Variants in CPE observed in about 807,000 individuals in gnomAD.
The protein encoded by CPE is carboxypeptidase E, also known as carbocypeptidase E.
A neutral mutation model predicts 53.5 loss-of-function variants in CPE; 17 were observed. That is an observed-to-expected ratio of 0.32 (90% confidence interval 0.22 to 0.48). The LOEUF is 0.48. CPE is among the 20% of genes least tolerant of loss of function. The pLI is 0.99. For synonymous variants in CPE, 226 were observed against 228.8 expected, an observed-to-expected ratio of 0.99 and a Z score of 0.11; for missense variants, 524 against 614.7, an observed-to-expected ratio of 0.85 and a Z score of 1.56.
chr4:165,446,929 G>T (rs1010142185), intron 1 of CPE, among the ~76,000 whole-genome samples: 1 of 152,186 alleles, frequency 6.6e-6, no homozygotes, highest in African/African-American at 2.4e-5. Flanking sequence ...AGATGATTTT[G>T]TCATTGAATG....
chr4:165,383,170 G>T (rs189216971), intron 1 of CPE, among the ~76,000 whole-genome samples: 3 of 152,312 alleles, frequency 2.0e-5, no homozygotes, highest in East Asian at 3.9e-4. Context: ...CTGGGATGAA[G>T]AATGGGCTTA....
At chr4:165,453,858 G>A (rs565981281) in intron 1 of CPE, among the ~76,000 whole-genome samples, 1 of 152,206 alleles carries the variant, frequency 6.6e-6, no homozygotes, top group African/African-American at 2.4e-5. Context: ...GTGAGCAAAG[G>A]AAAAGAAGGT....
At chr4:165,415,406 G>A (rs11732618) in intron 1 of CPE, among the ~76,000 whole-genome samples, 45,191 of 151,978 alleles carry the variant, frequency 0.3, 6,907 homozygotes, top group Middle Eastern at 0.4. Flanking sequence ...AATGAAACCA[G>A]CTCCTCCTGC....
chr4:165,405,861 G>T (rs1042031688), intron 1 of CPE: 10 of 741,416 alleles, frequency 1.3e-5, no homozygotes, highest in Non-Finnish European at 2.3e-5. Flanking sequence ...CAGGAGCACC[G>T]AATACTGTTT....
chr4:165,380,779 A>G (rs1201615119), intron 1 of CPE, among the ~76,000 whole-genome samples: 2 of 152,246 alleles, frequency 1.3e-5, no homozygotes, highest in Non-Finnish European at 2.9e-5. Flanking sequence ...TTCAAATAAT[A>G]TAAGAAAAAA....
At chr4:165,403,411 C>T (rs1011151628) in intron 1 of CPE, among the ~76,000 whole-genome samples, 1 of 152,084 alleles carries the variant, frequency 6.6e-6, no homozygotes, top group Non-Finnish European at 1.5e-5. Context: ...TTAATGTCTG[C>T]ACACTGATGG....
At chr4:165,486,523 G>C (rs931285875) in intron 5 of CPE, among the ~76,000 whole-genome samples, 1 of 152,016 alleles carries the variant, frequency 6.6e-6, no homozygotes, top group South Asian at 2.1e-4. Flanking sequence ...ACACAAACCT[G>C]CCTCCCCATT....
chr4:165,425,878 C>T (rs540318487), intron 1 of CPE, among the ~76,000 whole-genome samples: 2 of 152,276 alleles, frequency 1.3e-5, no homozygotes, highest in South Asian at 2.1e-4. Flanking sequence ...TCCTACAGTG[C>T]ACCAGGCAGC....
At chr4:165,429,529 C>T (rs66793975) in intron 1 of CPE, among the ~76,000 whole-genome samples, 44,762 of 151,586 alleles carry the variant, frequency 0.3, 6,673 homozygotes, top group Middle Eastern at 0.39. Context: ...ATGGTGAAAC[C>T]CTGTCTCTAC....
chr4:165,422,805 G>A (rs1039771474), intron 1 of CPE, among the ~76,000 whole-genome samples: 3 of 151,952 alleles, frequency 2.0e-5, no homozygotes, highest in Non-Finnish European at 4.4e-5. Context: ...GTGAAACCCC[G>A]TCTCTATTAA....
At chr4:165,486,540 C>T (rs1431345584) in intron 5 of CPE, among the ~76,000 whole-genome samples, 5 of 151,986 alleles carry the variant, frequency 3.3e-5, no homozygotes, top group Non-Finnish European at 5.9e-5. Context: ...CATTTTGGTT[C>T]CTAAATAAGA....
chr4:165,454,224 C>G (rs1731861944), intron 1 of CPE, among the ~76,000 whole-genome samples: 1 of 152,176 alleles, frequency 6.6e-6, no homozygotes, highest in Non-Finnish European at 1.5e-5. Flanking sequence ...TGGATTTCTC[C>G]ATAGGCTCAG....
At chr4:165,474,255 A>T (rs1014587678) in intron 3 of CPE, among the ~76,000 whole-genome samples, 1 of 152,208 alleles carries the variant, frequency 6.6e-6, no homozygotes, top group African/African-American at 2.4e-5. Flanking sequence ...GGTTTCCTGC[A>T]TAAGGGCAAT....
chr4:165,484,202 A>C (rs1244632326), intron 4 of CPE, among the ~76,000 whole-genome samples: 1 of 152,186 alleles, frequency 6.6e-6, no homozygotes, highest in Admixed American at 6.5e-5. Context: ...TAGAATGTAC[A>C]TTCTACCCAA....
chr4:165,442,296 A>C (rs1009296546), intron 1 of CPE, among the ~76,000 whole-genome samples: 1 of 152,120 alleles, frequency 6.6e-6, no homozygotes, highest in Non-Finnish European at 1.5e-5. Flanking sequence ...CTCCTGCCTC[A>C]GCCTCTCAAA....
In CPE at chr4:165,493,321, T is replaced by C. The variant is rs150411071; in HGVS notation, c.1213+51T>C. On this transcript the variant is annotated intron_variant, in intron 7 of 8. Transcript: ENST00000402744. ...TCTACGTTATGTACAAGAGCATAAT[T>C]ACTAATTATCATAATTATAAGTCTT... is the stretch of plus-strand genomic sequence containing the variant. 438 of 1,219,512 alleles carry C rather than the reference T, an allele frequency of 3.6e-4. 1 individual carries two copies. The African/African-American group carries it at 4.8e-3, about 13-fold the overall frequency. The allele number at this position is 1,219,512 out of a possible 1,614,324, so 75.5% of individuals were successfully genotyped here.
Position 165,431,538 on chromosome 4 carries a change from A to G in CPE, c.308-32852A>G, listed in dbSNP as rs962110620. 2.0e-5 allele frequency among the ~76,000 whole-genome samples: 3 copies of G among 152,204 alleles called. No homozygotes were observed. In the East Asian group the frequency reaches 5.8e-4, roughly 29 times the overall value. On this transcript the variant is annotated intron_variant, in intron 1 of 8. Transcript: ENST00000402744. ...CAGGTGTGAATAGCTCCCTTAAGTAAGGACACATAGTTAATAATAGGGGGA... is the reference window on the plus strand; with the variant it reads ...CAGGTGTGAATAGCTCCCTTAAGTAGGGACACATAGTTAATAATAGGGGGA...
chr4:165,442,023 G>GTTTTTTTTTTTTTT (rs11415472), intron 1 of CPE, among the ~76,000 whole-genome samples: 31 of 107,430 alleles, frequency 2.9e-4, no homozygotes, highest in Non-Finnish European at 3.4e-4. Context: ...CGGTGAGTTT[G>GTTTTTTTTTTTTTT]TTTTTTTTTT....
At chr4:165,486,953 G>A (rs926549040) in intron 5 of CPE, among the ~76,000 whole-genome samples, 4 of 152,108 alleles carry the variant, frequency 2.6e-5, no homozygotes, top group East Asian at 3.8e-4. Context: ...TTCCTTGATT[G>A]ACAATAGTAT....
Sources: allele counts gnomAD v4.1 joint callset (sites outside exome capture counted in the v4.1 genomes callset), GRCh38; gene constraint gnomAD v4.1.1; transcripts MANE v1.5; gene names NCBI Gene and HGNC (gene_info 2026-07-23, HGNC 2026-07-21).